TBC1D32: variants seen among roughly 807,000 people sequenced by gnomAD.
TBC1D32 encodes the protein TBC1 domain family member 32.
In TBC1D32, 151 loss-of-function variants were observed where a neutral mutation model predicts 170.3. That is an observed-to-expected ratio of 0.89 (90% CI 0.78 to 1.01). TBC1D32 has a LOEUF of 1.01. Among genes scored for constraint, TBC1D32 ranks in the 50% least tolerant of loss-of-function variants. The pLI, the probability that TBC1D32 is intolerant of heterozygous loss-of-function variation, is 0.00. For missense variants in TBC1D32, 1,464 were observed against 1,457.1 expected, an observed-to-expected ratio of 1.00 and a Z score of -0.08; for synonymous variants, 498 against 488.0, an observed-to-expected ratio of 1.02 and a Z score of -0.27.
intron 30 of TBC1D32, among the ~76,000 whole-genome samples, chr6:121,093,794 A>G (rs1340549936): frequency 6.6e-6 from 1 of 152,074 alleles, no homozygotes; most frequent in Non-Finnish European, 1.5e-5. Flanking sequence ...ATCACATGGG[A>G]GGGAAATTTC....
intron 19 of TBC1D32, 49 bp from the exon 20 acceptor site, chr6:121,239,237 G>C: frequency 8.8e-7 from 1 of 1,141,184 alleles, no homozygotes; most frequent in Non-Finnish European, 1.3e-6. Flanking sequence ...TATTTCTTTG[G>C]ATTATGAAGG....
intron 2 of TBC1D32, among the ~76,000 whole-genome samples, chr6:121,318,200 T>C (rs1809199097): frequency 6.6e-6 from 1 of 152,104 alleles, no homozygotes; most frequent in Non-Finnish European, 1.5e-5. Context: ...GCTATCAACG[T>C]GTCCTTTCAA....
chr6:121,101,259 T>C (rs143969095), intron 30 of TBC1D32, among the ~76,000 whole-genome samples: 29,151 of 151,636 alleles, frequency 0.19, 3,851 homozygotes, highest in African/African-American at 0.36. Flanking sequence ...CATCCTGATA[T>C]CAAAGCCGGT....
At chr6:121,268,985 A>G (rs2128420485) in intron 15 of TBC1D32, among the ~76,000 whole-genome samples, 1 of 152,320 alleles carries the variant, frequency 6.6e-6, no homozygotes, top group East Asian at 1.9e-4. Flanking sequence ...AGAATTTTCA[A>G]CCCAGAATTT....
At chr6:121,181,375 A>C (rs546132961) in intron 22 of TBC1D32, among the ~76,000 whole-genome samples, 1 of 152,072 alleles carries the variant, frequency 6.6e-6, no homozygotes, top group Admixed American at 6.6e-5. Context: ...GTTGTTTAAA[A>C]GTGTGTGGCA....
At chr6:121,331,076 C>A (rs1170740520) in intron 1 of TBC1D32, among the ~76,000 whole-genome samples, 13 of 152,204 alleles carry the variant, frequency 8.5e-5, no homozygotes, top group Admixed American at 8.5e-4. Flanking sequence ...AGTTTCTCCC[C>A]AAATGACACT....
intron 9 of TBC1D32, 84 bp downstream of exon 9, chr6:121,303,533 G>T: frequency 9.0e-7 from 1 of 1,106,134 alleles, no homozygotes; most frequent in Non-Finnish European, 1.2e-6. Context: ...AGAACTCTTA[G>T]CACACAGTAT....
intron 21 of TBC1D32, among the ~76,000 whole-genome samples, chr6:121,212,567 G>A (rs1324584213): frequency 6.8e-6 from 1 of 148,088 alleles, no homozygotes; most frequent in Admixed American, 7.1e-5. Context: ...CAATTCTCCT[G>A]CCTCAGCATC....
At chr6:121,117,603 G>A (rs1476862203) in intron 26 of TBC1D32, among the ~76,000 whole-genome samples, 2 of 152,232 alleles carry the variant, frequency 1.3e-5, no homozygotes, top group Admixed American at 6.5e-5. Flanking sequence ...TTGGGAGGCT[G>A]AAGCAGAAGA....
chr6:121,086,397 C>T (rs1776278387), intron 31 of TBC1D32, among the ~76,000 whole-genome samples: 1 of 152,020 alleles, frequency 6.6e-6, no homozygotes, highest in African/African-American at 2.4e-5. Context: ...AAAATATTTG[C>T]TCAGATGGTG....
chr6:121,205,307 G>T (rs956893547), intron 21 of TBC1D32, 144 bp from the exon 22 acceptor site: 2 of 442,954 alleles, frequency 4.5e-6, no homozygotes, highest in Admixed American at 4.5e-5. Context: ...ATAAGAAGAA[G>T]AAGAAGAAGA....
intron 17 of TBC1D32, among the ~76,000 whole-genome samples, chr6:121,249,965 CA>C (rs1798085037): frequency 6.6e-6 from 1 of 151,246 alleles, no homozygotes; most frequent in Non-Finnish European, 1.5e-5. Context: ...TCATTCTTCA[CA>C]AAACTAGAAA....
At chr6:121,083,242 T>C (rs748100506) in intron 31 of TBC1D32, among the ~76,000 whole-genome samples, 1 of 134,982 alleles carries the variant, frequency 7.4e-6, no homozygotes, top group African/African-American at 3.6e-5. Context: ...ATTAATTACA[T>C]AAGGTAATAA....
intron 24 of TBC1D32, among the ~76,000 whole-genome samples, chr6:121,155,217 C>G (rs2995680): frequency 0.17 from 25,539 of 151,924 alleles, 2,759 homozygotes; most frequent in African/African-American, 0.27. Context: ...TACTTCCCAT[C>G]ATTAGTTAGA....
intron 20 of TBC1D32, among the ~76,000 whole-genome samples, chr6:121,238,744 T>C (rs1796611029): frequency 6.6e-6 from 1 of 152,046 alleles, no homozygotes; most frequent in South Asian, 2.1e-4. Context: ...CATTGGTTGG[T>C]TGGTTGGTTT....
chr6:121,129,769 T>C (rs1392975487), intron 25 of TBC1D32: 3 of 337,894 alleles, frequency 8.9e-6, no homozygotes, highest in Non-Finnish European at 1.8e-5. Context: ...ATTCAGGGGA[T>C]AAAAGGAAGA....
At chr6:121,213,630 G>A (rs556546102) in intron 21 of TBC1D32, among the ~76,000 whole-genome samples, 6 of 151,866 alleles carry the variant, frequency 4.0e-5, no homozygotes, top group African/African-American at 1.4e-4. Context: ...ACAAAACATG[G>A]CTTAAAGAAC....
At position 121,334,347 on chromosome 6, in the gene TBC1D32, C is replaced by T; in HGVS notation, c.84G>A (p.Thr28=). 1 of 1,614,156 alleles carries T rather than the reference C, an allele frequency of 6.2e-7. No individual in the cohort carries two copies. ...RLFQSVKEKI[T]GAPSLECAEE... Reference sequence around the variant, plus strand: ...CGGCACACTCCAGGGAAGGGGCACCCGTGATTTTCTCCTTCACGCTCTGGA... The same window carrying T: ...CGGCACACTCCAGGGAAGGGGCACCTGTGATTTTCTCCTTCACGCTCTGGA... Residue 28 remains threonine (T), a synonymous_variant, in exon 1 of 32, where the codon ACG becomes ACA. Transcript: ENST00000398212.
intron 21 of TBC1D32, among the ~76,000 whole-genome samples, chr6:121,221,459 G>C (rs886921480): frequency 1.3e-5 from 2 of 152,186 alleles, no homozygotes; most frequent in Non-Finnish European, 2.9e-5. Flanking sequence ...GGCTATAACT[G>C]CCATAAATAG....
Sources: allele counts gnomAD v4.1 joint callset (sites outside exome capture counted in the v4.1 genomes callset), GRCh38; gene constraint gnomAD v4.1.1; transcripts MANE v1.5; gene names NCBI Gene and HGNC (gene_info 2026-07-23, HGNC 2026-07-21).